The following ULK2 variants were observed in gnomAD, a reference collection of about 807,000 sequenced individuals.
ULK2 encodes the protein unc-51 like autophagy activating kinase 2.
A neutral mutation model predicts 127.5 loss-of-function variants in ULK2; 76 were observed. That is an observed-to-expected ratio of 0.60 (90% CI 0.50 to 0.72). The LOEUF is 0.72. Among genes scored for constraint, ULK2 ranks in the 30% least tolerant of loss-of-function variants. ULK2 has a pLI of 0.00. For missense variants in ULK2, 1,144 were observed against 1,295.9 expected, an observed-to-expected ratio of 0.88 and a Z score of 1.80; for synonymous variants, 452 against 461.9, an observed-to-expected ratio of 0.98 and a Z score of 0.28.
At chr17:19,795,938 G>C (rs2087259864) in intron 19 of ULK2, among the ~76,000 whole-genome samples, 157 bp downstream of exon 19, 1 of 152,132 alleles carries the variant, frequency 6.6e-6, no homozygotes, top group Non-Finnish European at 1.5e-5. Context: ...AAGCATCTGT[G>C]GTTTTCAGAG....
Position 19,843,101 on chromosome 17 carries a change from T to C in ULK2, c.645+20A>G. 6.3e-7 allele frequency: 1 copy of C among 1,577,248 alleles called. No homozygotes were observed. The highest frequency in any genetic ancestry group is 8.7e-7 in the Non-Finnish European group (1 of 1,146,800). On this transcript the variant is annotated intron_variant, in intron 8 of 26. Transcript: ENST00000395544. ...TGACAAGATCCCAAAACTGAGGACA[T>C]AAGAAAAAAGTCAGCCTACCTGAAA... is the stretch of plus-strand genomic sequence containing the variant.
At chr17:19,795,347 TAAAAAAAA>T (rs755484577) in intron 20 of ULK2, among the ~76,000 whole-genome samples, 5 of 82,756 alleles carry the variant, frequency 6.0e-5, no homozygotes, top group South Asian at 6.3e-4. Flanking sequence ...ACCCTACTGA[TAAAAAAAA>T]AAAAAAAAAA....
intron 3 of ULK2, among the ~76,000 whole-genome samples, chr17:19,861,760 A>AAG: frequency 6.6e-6 from 1 of 152,320 alleles, no homozygotes; most frequent in Middle Eastern, 3.4e-3. Context: ...CCAACATTTC[A>AAG]ACTAGGGACT....
chr17:19,812,195 T>A (rs1044548279), intron 13 of ULK2, among the ~76,000 whole-genome samples: 1 of 152,152 alleles, frequency 6.6e-6, no homozygotes, highest in Non-Finnish European at 1.5e-5. Flanking sequence ...AAAAGCAGGA[T>A]TGATTGAAAG....
At chr17:19,866,526 AAAT>A (rs1185208685) in intron 1 of ULK2, among the ~76,000 whole-genome samples, 2 of 152,170 alleles carry the variant, frequency 1.3e-5, no homozygotes, top group South Asian at 2.1e-4. Context: ...ATAAATAAAT[AAAT>A]AAGAAAAGTA....
chr17:19,846,058 A>AGAGG (rs1352784404), intron 6 of ULK2, among the ~76,000 whole-genome samples: 17 of 152,204 alleles, frequency 1.1e-4, no homozygotes, highest in Non-Finnish European at 2.5e-4. Flanking sequence ...CCTGGGAGGC[A>AGAGG]GAGGTTGTAG....
intron 3 of ULK2, among the ~76,000 whole-genome samples, chr17:19,859,379 C>T (rs990675575): frequency 1.3e-5 from 2 of 151,142 alleles, no homozygotes; most frequent in East Asian, 2.0e-4. Flanking sequence ...ATTATCCAGG[C>T]GTGGTGGCAG....
chr17:19,842,190 C>CTTT lies in ULK2; in HGVS notation c.646-646_646-644dup, dbSNP rs869294657. 2.6e-3 allele frequency among the ~76,000 whole-genome samples: 232 copies of CTTT among 88,364 alleles called. 1 individual carries two copies. The highest frequency in any genetic ancestry group is 0.018 in the East Asian group (45 of 2,528). The allele number at this position is 88,364 out of a possible 152,430, so 58.0% of individuals were successfully genotyped here. On this transcript the variant is annotated intron_variant, in intron 8 of 26. Transcript: ENST00000395544. ...TGGCTGTGTCACTAATTTTCTTTTT[C>CTTT]TTTTTTTTTTTTTTTTTTTTTTTTG...
intron 10 of ULK2, 88 bp from the exon 11 acceptor site, chr17:19,826,274 T>C (rs2041294810): frequency 1.3e-5 from 10 of 747,170 alleles, no homozygotes; most frequent in Non-Finnish European, 1.4e-5. Flanking sequence ...TTCAATATAA[T>C]GTCTTTGAGA....
At chr17:19,822,367 TA>T (rs1054037565) in intron 12 of ULK2, among the ~76,000 whole-genome samples, 10 of 151,684 alleles carry the variant, frequency 6.6e-5, no homozygotes, top group South Asian at 4.1e-4. Flanking sequence ...TTTTTTATTT[TA>T]TTTTTTTTTT....
chr17:19,785,043 T>TA (rs1431908072), intron 21 of ULK2, among the ~76,000 whole-genome samples: 3 of 152,186 alleles, frequency 2.0e-5, no homozygotes, highest in Non-Finnish European at 4.4e-5. Flanking sequence ...ATACAACAGA[T>TA]AAGACATCAA....
At chr17:19,822,888 G>A (rs977684048) in intron 12 of ULK2, among the ~76,000 whole-genome samples, 12 of 151,622 alleles carry the variant, frequency 7.9e-5, no homozygotes, top group East Asian at 5.8e-4. Context: ...GGGTTTCACC[G>A]TGTTAGCCAG....
chr17:19,844,846 A>C (rs1049664439), intron 7 of ULK2, among the ~76,000 whole-genome samples: 9 of 152,176 alleles, frequency 5.9e-5, no homozygotes, highest in African/African-American at 2.2e-4. Context: ...TGAGAGGATA[A>C]AGGGGAAAGC....
At chr17:19,857,443 T>A (rs924248849) in intron 3 of ULK2, among the ~76,000 whole-genome samples, 5 of 152,330 alleles carry the variant, frequency 3.3e-5, no homozygotes, top group South Asian at 4.1e-4. Flanking sequence ...ATTCTGAGAC[T>A]GTTATTGTTT....
At chr17:19,866,345 C>CA (rs557559781) in intron 1 of ULK2, among the ~76,000 whole-genome samples, 7,688 of 139,498 alleles carry the variant, frequency 0.055, 315 homozygotes, top group East Asian at 0.18. Flanking sequence ...ACTAAAAATA[C>CA]AAAAAAAAAA....
intron 20 of ULK2, among the ~76,000 whole-genome samples, chr17:19,786,909 C>T (rs1279903526): frequency 6.6e-6 from 1 of 151,994 alleles, no homozygotes; most frequent in Non-Finnish European, 1.5e-5. Flanking sequence ...TATATTTCTT[C>T]TGTTAACTGA....
chr17:19,801,732 C>T (rs1355364383), intron 16 of ULK2, 45 bp downstream of exon 16: 3 of 1,605,630 alleles, frequency 1.9e-6, no homozygotes, highest in Non-Finnish European at 2.5e-6. Context: ...AGATTTATTA[C>T]AGTGAAAAAA....
In ULK2 at chr17:19,776,170, A is replaced by G; in HGVS notation, c.*179T>C. The stretch of plus-strand genomic sequence containing the variant: ...AGGGTGATTTTCTCCAATAAGGCAG[A>G]TTTCCTACAAATATGTAGTTTTTGG... On this transcript the variant is annotated 3_prime_UTR_variant, in exon 27 of 27. Transcript: ENST00000395544. 1.8e-6 allele frequency: 1 copy of G among 552,242 alleles called. No individual in the cohort carries two copies. Among genetic ancestry groups the G allele is most frequent in the Non-Finnish European group, 3.1e-6 (1 of 320,056 alleles). The allele number at this position is 552,242 out of a possible 1,614,324, so 34.2% of individuals were successfully genotyped here.
chr17:19,800,719 T>A (rs2087379324), intron 16 of ULK2, among the ~76,000 whole-genome samples: 1 of 152,190 alleles, frequency 6.6e-6, no homozygotes, highest in Admixed American at 6.5e-5. Context: ...CTTCAGCAGT[T>A]CTGACTGAAG....
Sources: gnomAD v4.1 joint callset for allele counts (sites outside exome capture counted in the v4.1 genomes callset) on GRCh38, gnomAD v4.1.1 for gene constraint, MANE v1.5 for transcripts, NCBI Gene and HGNC (gene_info 2026-07-23, HGNC 2026-07-21) for gene names.